CBFA2T2: variants seen among roughly 807,000 people sequenced by gnomAD.
The protein encoded by CBFA2T2 is protein CBFA2T2.
In CBFA2T2, 11 loss-of-function variants were observed where a neutral mutation model predicts 62.2. The ratio of observed to expected loss-of-function variants is 0.18; its 90% CI spans 0.11 to 0.29. CBFA2T2 has a LOEUF of 0.29. Among genes scored for constraint, CBFA2T2 ranks in the 10% least tolerant of loss-of-function variants. CBFA2T2 has a pLI of 1.00. For synonymous variants in CBFA2T2, 295 were observed against 287.5 expected, an observed-to-expected ratio of 1.03 and a Z score of -0.27; for missense variants, 592 against 774.1, an observed-to-expected ratio of 0.76 and a Z score of 2.79.
At chr20:33,610,314 A>C (rs1256199636) in intron 2 of CBFA2T2, among the ~76,000 whole-genome samples, 1 of 152,246 alleles carries the variant, frequency 6.6e-6, no homozygotes, top group Non-Finnish European at 1.5e-5. Flanking sequence ...CCTCAAAAAA[A>C]CAAACAAGCA....
At chr20:33,623,739 T>C (rs1437117290) in intron 5 of CBFA2T2, 72 of 701,356 alleles carry the variant, frequency 1.0e-4, no homozygotes, top group Non-Finnish European at 7.9e-6. Flanking sequence ...TCTCAGACTT[T>C]CTGTGGTTAT....
In CBFA2T2 at chr20:33,608,644, C is replaced by T. The variant is rs143497312; in HGVS notation, c.178+1545C>T. On this transcript the variant is annotated intron_variant, in intron 2 of 10. Transcript: ENST00000342704. The stretch of plus-strand genomic sequence containing the variant: ...ATCTTGAAAAGAAACAGATTTAAAC[C>T]TCAGCCATCAATCAGATTTCAAGAT... Among the ~76,000 whole-genome samples, 222 of 152,214 alleles carry T rather than the reference C, an allele frequency of 1.5e-3. 1 individual carries two copies. Among genetic ancestry groups the T allele is most frequent in the Middle Eastern group, 3.4e-3 (1 of 294 alleles).
intron 9 of CBFA2T2, among the ~76,000 whole-genome samples, chr20:33,637,893 C>T (rs1249562448): frequency 6.6e-6 from 1 of 150,566 alleles, no homozygotes; most frequent in East Asian, 1.9e-4. Flanking sequence ...TCTCGAACTC[C>T]TGATCTCAGG....
At chr20:33,636,284 T>A (rs552273388) in intron 8 of CBFA2T2, among the ~76,000 whole-genome samples, 1 of 149,226 alleles carries the variant, frequency 6.7e-6, no homozygotes, top group East Asian at 2.0e-4. Flanking sequence ...AAAAAATCTG[T>A]GTGCATTTAT....
chr20:33,624,908 T>A lies in CBFA2T2; in HGVS notation c.837T>A (p.Pro279=). The change falls in exon 6 of 11, where the codon CCT becomes CCA. Residue 279 remains proline (P), a synonymous_variant. Coordinates refer to ENST00000342704, the MANE Select transcript of CBFA2T2 (RefSeq NM_001032999.3). Reference sequence around the variant, plus strand: ...CCGGGGGCCAATTCCATCCTACCCCTCCACCTCTTCAGCATTACACCTTAG... The same window carrying A: ...CCGGGGGCCAATTCCATCCTACCCCACCACCTCTTCAGCATTACACCTTAG... The part of the protein sequence containing the change: ...MNPGGQFHPT[P]PPLQHYTLED... 1 of 1,614,078 alleles carries A rather than the reference T, an allele frequency of 6.2e-7. No individual in the cohort carries two copies. Among genetic ancestry groups the A allele is most frequent in the Non-Finnish European group, 8.5e-7 (1 of 1,180,006 alleles).
intron 1 of CBFA2T2, among the ~76,000 whole-genome samples, chr20:33,559,172 C>CTTTTTT (rs376048540): frequency 0.012 from 1,020 of 87,664 alleles, 4 homozygotes; most frequent in East Asian, 0.019. Flanking sequence ...TTTTTCCTTT[C>CTTTTTT]TTTTTTTTTT....
chr20:33,536,102 C>T (rs367887712), intron 1 of CBFA2T2, among the ~76,000 whole-genome samples: 4 of 152,218 alleles, frequency 2.6e-5, no homozygotes, highest in African/African-American at 9.6e-5. Flanking sequence ...ATCCGATTTC[C>T]CAATCTTTTC....
chr20:33,624,237 A>G (rs867527791), intron 5 of CBFA2T2, among the ~76,000 whole-genome samples: 1 of 112,214 alleles, frequency 8.9e-6, no homozygotes, highest in Non-Finnish European at 1.7e-5. Context: ...TTTTAAAAGT[A>G]AAAAAAAAAA....
At chr20:33,490,416 G>C (rs1249392092) in intron 1 of CBFA2T2, 115 bp downstream of exon 1, 1 of 1,041,264 alleles carries the variant, frequency 9.6e-7, no homozygotes, top group African/African-American at 1.7e-5. Flanking sequence ...ACTGAGGCCC[G>C]AAGCGGGGCG....
chr20:33,536,559 G>A (rs1174594090), intron 1 of CBFA2T2, among the ~76,000 whole-genome samples: 2 of 149,708 alleles, frequency 1.3e-5, no homozygotes, highest in Non-Finnish European at 1.5e-5. Flanking sequence ...CCGGGCGTAG[G>A]GGCTCCTCAC....
At chr20:33,591,574 G>T (rs1054841149) in intron 1 of CBFA2T2, among the ~76,000 whole-genome samples, 4 of 151,634 alleles carry the variant, frequency 2.6e-5, no homozygotes, top group Admixed American at 6.6e-5. Flanking sequence ...TAATTAAAAA[G>T]AATGGTTTGA....
At chr20:33,629,968 C>G (rs2016390773) in intron 8 of CBFA2T2, 54 bp downstream of exon 8, 1 of 1,465,876 alleles carries the variant, frequency 6.8e-7, no homozygotes, top group Non-Finnish European at 9.1e-7. Flanking sequence ...TTAGAGCCCA[C>G]CAATCTGTCA....
intron 3 of CBFA2T2, among the ~76,000 whole-genome samples, chr20:33,612,510 TAGAG>T (rs1330450438): frequency 6.6e-6 from 1 of 152,074 alleles, no homozygotes; most frequent in Non-Finnish European, 1.5e-5. Context: ...AATGCAAAAG[TAGAG>T]AGAATACAAC....
At chr20:33,590,872 G>T (rs1465316212) in intron 1 of CBFA2T2, among the ~76,000 whole-genome samples, 2 of 152,000 alleles carry the variant, frequency 1.3e-5, no homozygotes, top group African/African-American at 4.8e-5. Flanking sequence ...GTGGAACCCA[G>T]GCTCTTTTAA....
chr20:33,593,391 A>ATTT (rs754319345), intron 1 of CBFA2T2, among the ~76,000 whole-genome samples: 1,147 of 109,854 alleles, frequency 0.01, 40 homozygotes, highest in East Asian at 0.035. Flanking sequence ...TCTTGACTGG[A>ATTT]TTTTTTTTTT....
In CBFA2T2 at chr20:33,490,100, G is replaced by GCGGCGGCGACGGCGA; in HGVS notation, c.-166_-152dup. On this transcript the variant is annotated 5_prime_UTR_variant, in exon 1 of 11. Transcript: ENST00000342704. ...GGGGCGCGGCCTAACGGCGGCGGCG[G>GCGGCGGCGACGGCGA]CGGCGGCGACGGCGACAGCAGCGGT... 6.2e-6 allele frequency: 4 copies of GCGGCGGCGACGGCGA among 646,946 alleles called. No individual in the cohort carries two copies. Among genetic ancestry groups the GCGGCGGCGACGGCGA allele is most frequent in the Non-Finnish European group, 8.1e-6 (4 of 493,946 alleles). 40.1% of individuals were successfully genotyped at this position (646,946 alleles called of 1,614,324 possible). A position where few individuals can be genotyped will look rare whatever the true frequency, so the allele number is the denominator to read the frequency against.
chr20:33,492,192 T>C (rs1393161549), intron 1 of CBFA2T2, among the ~76,000 whole-genome samples: 1 of 152,012 alleles, frequency 6.6e-6, no homozygotes, highest in Non-Finnish European at 1.5e-5. Flanking sequence ...TTAATTTTTA[T>C]ATTTTTAGTA....
At position 33,649,306 on chromosome 20, in the gene CBFA2T2, GC is replaced by G. The variant is rs1291571470; in HGVS notation, c.*4661del. Reference sequence around the variant, plus strand: ...CAGCCCTGCCCAGATTGCGGTGGGGGCTGTGCCAGCGGCTCCGCAGGGCCCT... The same window carrying G: ...CAGCCCTGCCCAGATTGCGGTGGGGGTGTGCCAGCGGCTCCGCAGGGCCCT... On this transcript the variant is annotated 3_prime_UTR_variant, in exon 11 of 11. Transcript: ENST00000342704. 6.5e-6 allele frequency: 1 copy of G among 152,678 alleles called. No individual in the cohort carries two copies. Among genetic ancestry groups the G allele is most frequent in the African/African-American group, 2.4e-5 (1 of 41,464 alleles). 9.5% of individuals were successfully genotyped at this position (152,678 alleles called of 1,614,324 possible).
At chr20:33,500,898 A>G (rs2011269229) in intron 1 of CBFA2T2, among the ~76,000 whole-genome samples, 1 of 152,216 alleles carries the variant, frequency 6.6e-6, no homozygotes, top group South Asian at 2.1e-4. Flanking sequence ...TGATCTTAGC[A>G]GTGAAGCAGA....
Sources: allele counts gnomAD v4.1 joint callset (sites outside exome capture counted in the v4.1 genomes callset), GRCh38; gene constraint gnomAD v4.1.1; transcripts MANE v1.5; gene names NCBI Gene and HGNC (gene_info 2026-07-23, HGNC 2026-07-21).